TSPAN9: variants seen among roughly 807,000 people sequenced by gnomAD.
TSPAN9 encodes tetraspanin-9.
TSPAN9 carries 16 observed loss-of-function variants against 31.0 expected under a neutral mutation model. That is an observed-to-expected ratio of 0.52 (90% confidence interval 0.35 to 0.78). The LOEUF (loss-of-function observed/expected upper bound fraction) is 0.78, where lower values mean the gene tolerates loss of function less well. Ranked by LOEUF, TSPAN9 falls within the 30% of genes least tolerant of loss-of-function variation. TSPAN9 has a pLI of 0.01. For missense variants in TSPAN9, 272 were observed against 312.5 expected, an observed-to-expected ratio of 0.87 and a Z score of 0.98; for synonymous variants, 145 against 121.6, an observed-to-expected ratio of 1.19 and a Z score of -1.27.
rs368069291 is a variant in TSPAN9, at chr12:3,121,351, GCTTTTT to G, written c.-18+37633_-18+37638del. ...AGATTTTTCAAAACAGGGGATGTTG[GCTTTTT>G]TTTTTTTTTTTTTTTTTTTTGAGAC... is the stretch of plus-strand genomic sequence containing the variant. On this transcript the variant is annotated intron_variant, in intron 2 of 8. Transcript: ENST00000011898. Among the ~76,000 whole-genome samples, 4 of 106,536 alleles carry G rather than the reference GCTTTTT, an allele frequency of 3.8e-5. 1 individual carries two copies. The highest frequency in any genetic ancestry group is 3.7e-5 in the African/African-American group (1 of 27,042). 69.9% of individuals were successfully genotyped at this position (106,536 alleles called of 152,430 possible). A position where few individuals can be genotyped will look rare whatever the true frequency, so the allele number is the denominator to read the frequency against.
chr12:3,219,137 T>G (rs114938941), intron 3 of TSPAN9, among the ~76,000 whole-genome samples: 2 of 152,200 alleles, frequency 1.3e-5, no homozygotes, highest in Non-Finnish European at 2.9e-5. Flanking sequence ...GTAGTGGCTG[T>G]GATGGGGGCT....
chr12:3,272,999 G>C (rs1278304864), intron 3 of TSPAN9: 4 of 152,338 alleles, frequency 2.6e-5, no homozygotes, highest in Non-Finnish European at 5.9e-5. Context: ...CTGGGCCTCA[G>C]TTTACCTGCT....
At chr12:3,244,512 T>C (rs558545796) in intron 3 of TSPAN9, among the ~76,000 whole-genome samples, 1 of 152,324 alleles carries the variant, frequency 6.6e-6, no homozygotes, top group East Asian at 1.9e-4. Flanking sequence ...CAGAGGCAGC[T>C]GGTGACGTGG....
rs774753869 is a variant in TSPAN9 at position 3,280,532 on chromosome 12, G to A, written c.432+49G>A. The A allele has an allele frequency of 1.6e-5, 25 of 1,545,298 alleles. No individual in the cohort carries two copies. In the African/African-American group the frequency reaches 2.2e-4, roughly 13 times the overall value. On this transcript the variant is annotated intron_variant, in intron 6 of 8. Coordinates refer to ENST00000011898, the MANE Select transcript of TSPAN9 (RefSeq NM_006675.5). The surrounding 1 kb of genome is among the most constrained non-coding windows in gnomAD (Gnocchi z 4.5). Reference sequence around the variant, plus strand: ...GGGCCAGGCAGGGAGGAGGGGTGGCGGCCGGTACTTCTAGCTGCCTTCCCC... The same window carrying A: ...GGGCCAGGCAGGGAGGAGGGGTGGCAGCCGGTACTTCTAGCTGCCTTCCCC...
At chr12:3,140,454 TAGAA>T (rs59597147) in intron 2 of TSPAN9, among the ~76,000 whole-genome samples, 2,610 of 152,026 alleles carry the variant, frequency 0.017, 74 homozygotes, top group African/African-American at 0.06. Context: ...GGACGGGAAA[TAGAA>T]AGCCTGGCAC....
At position 3,081,064 on chromosome 12, in the gene TSPAN9, A is replaced by G. The variant is rs548771809; in HGVS notation, c.-84-2589A>G. On this transcript the variant is annotated intron_variant, in intron 1 of 8. Transcript: ENST00000011898. ...TTTAGTCTCAGCTCCTTGCTTGCAAAATGAGGATAACAATACCAAGTACTC... is the reference window on the plus strand; with the variant it reads ...TTTAGTCTCAGCTCCTTGCTTGCAAGATGAGGATAACAATACCAAGTACTC... Among the ~76,000 whole-genome samples, 37 of 152,286 alleles carry G rather than the reference A, an allele frequency of 2.4e-4. 2 individuals carry two copies. The South Asian group carries it at 5.8e-3, about 24-fold the overall frequency.
At chr12:3,098,744 TTCTC>T (rs1157294142) in intron 2 of TSPAN9, among the ~76,000 whole-genome samples, 3 of 151,736 alleles carry the variant, frequency 2.0e-5, no homozygotes, top group Non-Finnish European at 2.9e-5. Flanking sequence ...GTTTTTTTTT[TTCTC>T]TCTCTCTCTT....
rs973942371 is a variant in TSPAN9, at chr12:3,192,043, G to A, written c.-17-9134G>A. Among the ~76,000 whole-genome samples, 8 of 152,152 alleles carry A rather than the reference G, an allele frequency of 5.3e-5. No homozygotes were observed. Among genetic ancestry groups the A allele is most frequent in the Non-Finnish European group, 1.2e-4 (8 of 68,030 alleles). ...GCATCCAAGCAGAGGGAACAGCATG[G>A]GCGGAGGCTCTGAGGAGGTCAGAGC... On this transcript the variant is annotated intron_variant, in intron 2 of 8. Transcript: ENST00000011898. The surrounding 1 kb of genome is among the most constrained non-coding windows in gnomAD (Gnocchi z 4.6).
At chr12:3,165,528 G>T (rs1189721493) in intron 2 of TSPAN9, among the ~76,000 whole-genome samples, 1 of 152,170 alleles carries the variant, frequency 6.6e-6, no homozygotes, top group Non-Finnish European at 1.5e-5. Context: ...TAAAATGTTA[G>T]TGAGTGAGTT....
At chr12:3,205,374 G>T (rs1106677) in intron 3 of TSPAN9, among the ~76,000 whole-genome samples, 5,719 of 152,300 alleles carry the variant, frequency 0.038, 367 homozygotes, top group African/African-American at 0.13. Context: ...TGCTGATGGG[G>T]CCCTGATTAA....
intron 3 of TSPAN9, among the ~76,000 whole-genome samples, chr12:3,238,710 C>A (rs1387407524): frequency 6.6e-6 from 1 of 152,196 alleles, no homozygotes; most frequent in Non-Finnish European, 1.5e-5. Flanking sequence ...TCTCTTTAAA[C>A]CCTGGTCCCT....
rs973998533 is a variant in TSPAN9, at chr12:3,131,500, T to C, written c.-18+47781T>C. On this transcript the variant is annotated intron_variant, in intron 2 of 8. Coordinates refer to ENST00000011898, the MANE Select transcript of TSPAN9 (RefSeq NM_006675.5). Reference sequence around the variant, plus strand: ...TCACCCGAAACTGGGGGCAGTCCCATCTACCTCCTAGGGCTGTTGTGGGTA... The same window carrying C: ...TCACCCGAAACTGGGGGCAGTCCCACCTACCTCCTAGGGCTGTTGTGGGTA... Among the ~76,000 whole-genome samples, 7 of 152,150 alleles carry C rather than the reference T, an allele frequency of 4.6e-5. 1 individual carries two copies. The highest frequency in any genetic ancestry group is 1.7e-4 in the African/African-American group (7 of 41,438).
chr12:3,203,888 A>C (rs1418458806), intron 3 of TSPAN9, among the ~76,000 whole-genome samples: 1 of 152,148 alleles, frequency 6.6e-6, no homozygotes, highest in East Asian at 1.9e-4. Flanking sequence ...GCTCCACTCA[A>C]ATGAAGGCTT....
At chr12:3,215,794 G>A (rs1160964832) in intron 3 of TSPAN9, among the ~76,000 whole-genome samples, 1 of 152,060 alleles carries the variant, frequency 6.6e-6, no homozygotes, top group Admixed American at 6.5e-5. Context: ...GGCACAGCCT[G>A]TATCGGAGTG....
chr12:3,159,722 TAG>T (rs2098344032), intron 2 of TSPAN9, among the ~76,000 whole-genome samples: 1 of 152,040 alleles, frequency 6.6e-6, no homozygotes, highest in East Asian at 1.9e-4. Flanking sequence ...ACTGTATATA[TAG>T]AGAGAGGATA....
intron 2 of TSPAN9, among the ~76,000 whole-genome samples, chr12:3,124,337 T>TA (rs1293847281): frequency 6.6e-6 from 1 of 152,242 alleles, no homozygotes; most frequent in Admixed American, 6.5e-5. Context: ...CCAAAGTAGT[T>TA]ATATTTTTTC....
At chr12:3,144,441 T>C (rs2098336220) in intron 2 of TSPAN9, among the ~76,000 whole-genome samples, 1 of 152,202 alleles carries the variant, frequency 6.6e-6, no homozygotes, top group South Asian at 2.1e-4. Context: ...GGAAGCACCA[T>C]GTGATGACAG....
intron 2 of TSPAN9, among the ~76,000 whole-genome samples, chr12:3,169,996 C>T (rs562574008): frequency 1.6e-5 from 2 of 122,398 alleles, no homozygotes; most frequent in South Asian, 5.2e-4. Context: ...ATGGAGGAGT[C>T]AGAATGTCTT....
At position 3,278,778 on chromosome 12, in the gene TSPAN9, T is replaced by C. The variant is rs556282841; in HGVS notation, c.255+166T>C. Among the ~76,000 whole-genome samples the C allele has an allele frequency of 2.0e-5, 3 of 152,314 alleles. No individual in the cohort carries two copies. The East Asian group carries it at 5.8e-4, about 29-fold the overall frequency. ...TTGACCACACCCCTCCTCCTCATGG[T>C]TGGTTATGCCTACCCCTGGTTGTCC... is the stretch of plus-strand genomic sequence containing the variant. On this transcript the variant is annotated intron_variant, in intron 4 of 8. Transcript: ENST00000011898.
Sources: allele counts gnomAD v4.1 joint callset (sites outside exome capture counted in the v4.1 genomes callset), GRCh38; gene constraint gnomAD v4.1.1; non-coding constraint Gnocchi (gnomAD v3.1); transcripts MANE v1.5; gene names NCBI Gene and HGNC (gene_info 2026-07-23, HGNC 2026-07-21).